OXCT1: variants seen among roughly 807,000 people sequenced by gnomAD.
OXCT1 encodes 3-oxoacid CoA-transferase 1, also known as succinyl-CoA:3-ketoacid coenzyme A transferase 1, mitochondrial.
OXCT1 carries 27 observed loss-of-function variants against 69.6 expected under a neutral mutation model. That is an observed-to-expected ratio of 0.39 (90% CI 0.29 to 0.54). The LOEUF is 0.54. Among genes scored for constraint, OXCT1 ranks in the 20% least tolerant of loss-of-function variants. The pLI is 0.72. For synonymous variants in OXCT1, 202 were observed against 217.8 expected, an observed-to-expected ratio of 0.93 and a Z score of 0.64; for missense variants, 437 against 650.2, an observed-to-expected ratio of 0.67 and a Z score of 3.57.
chr5:41,733,631 T>G (rs1367929609), intron 16 of OXCT1, among the ~76,000 whole-genome samples: 1 of 152,204 alleles, frequency 6.6e-6, no homozygotes, highest in Admixed American at 6.5e-5. Context: ...GACACATTAA[T>G]TTTTTTAACT....
chr5:41,787,854 A>G (rs2112206215), intron 13 of OXCT1, among the ~76,000 whole-genome samples: 1 of 152,178 alleles, frequency 6.6e-6, no homozygotes, highest in African/African-American at 2.4e-5. Flanking sequence ...GAAAAAGATC[A>G]ACCTGAGAGA....
At chr5:41,833,504 T>TA (rs892115918) in intron 7 of OXCT1, among the ~76,000 whole-genome samples, 66 of 136,450 alleles carry the variant, frequency 4.8e-4, no homozygotes, top group African/African-American at 1.8e-3. Context: ...CAAGAAGTGA[T>TA]AGAGGGAGTT....
chr5:41,773,922 T>C (rs1745003163), intron 13 of OXCT1, among the ~76,000 whole-genome samples: 1 of 152,186 alleles, frequency 6.6e-6, no homozygotes, highest in Non-Finnish European at 1.5e-5. Context: ...CATTTCATTT[T>C]ATAGGGACCT....
intron 11 of OXCT1, among the ~76,000 whole-genome samples, chr5:41,796,984 T>TAA (rs1746212242): frequency 6.6e-6 from 1 of 152,192 alleles, no homozygotes; most frequent in Admixed American, 6.5e-5. Flanking sequence ...CTGTGTGAGC[T>TAA]CTAGGTTTTA....
chr5:41,755,141 C>T (rs1457741758), intron 14 of OXCT1, among the ~76,000 whole-genome samples: 1 of 151,938 alleles, frequency 6.6e-6, no homozygotes, highest in Non-Finnish European at 1.5e-5. Flanking sequence ...ATTAGTTTTC[C>T]TTTTTATTTT....
chr5:41,782,808 T>G (rs897270860), intron 13 of OXCT1, among the ~76,000 whole-genome samples: 3 of 152,220 alleles, frequency 2.0e-5, no homozygotes, highest in African/African-American at 7.2e-5. Flanking sequence ...CTTTCCCCTG[T>G]GTAGTGGAAA....
chr5:41,780,600 A>T (rs1055414263), intron 13 of OXCT1, among the ~76,000 whole-genome samples: 26 of 152,174 alleles, frequency 1.7e-4, no homozygotes, highest in Non-Finnish European at 2.6e-4. Flanking sequence ...GAATTTTTTT[A>T]AAATTATTAT....
chr5:41,805,465 A>G (rs996864126), intron 9 of OXCT1, 102 bp downstream of exon 9: 1 of 796,352 alleles, frequency 1.3e-6, no homozygotes, highest in Non-Finnish European at 2.2e-6. Context: ...AAAAGTTACC[A>G]TAGACTAGAG....
chr5:41,731,380 T>C lies in OXCT1; in HGVS notation c.*349A>G, dbSNP rs1486075360. The C allele has an allele frequency of 1.9e-6, 2 of 1,044,960 alleles. No individual in the cohort carries two copies. Among genetic ancestry groups the C allele is most frequent in the Admixed American group, 5.0e-5 (1 of 20,174 alleles). 64.7% of individuals were successfully genotyped at this position (1,044,960 alleles called of 1,614,324 possible). A position where few individuals can be genotyped will look rare whatever the true frequency, so the allele number is the denominator to read the frequency against. The stretch of plus-strand genomic sequence containing the variant: ...TCTTTCTTTCAGGACTAATAATTAA[T>C]ATTTAAGAGGAAAGCCACATCAATT... On this transcript the variant is annotated 3_prime_UTR_variant, in exon 17 of 17. Transcript: ENST00000196371.
intron 3 of OXCT1, among the ~76,000 whole-genome samples, chr5:41,860,756 A>C (rs1014666266): frequency 4.6e-5 from 7 of 152,268 alleles, no homozygotes; most frequent in Admixed American, 3.3e-4. Flanking sequence ...CTATTATTAA[A>C]ATGATGGCTT....
intron 1 of OXCT1, among the ~76,000 whole-genome samples, chr5:41,865,294 C>A (rs956882387): frequency 2.0e-5 from 3 of 152,038 alleles, no homozygotes; most frequent in Non-Finnish European, 2.9e-5. Context: ...TTTTTTGTTT[C>A]ATCTGATAGT....
chr5:41,814,808 T>C (rs1029273985), intron 7 of OXCT1, among the ~76,000 whole-genome samples: 1 of 151,652 alleles, frequency 6.6e-6, no homozygotes, highest in Admixed American at 6.6e-5. Context: ...CGCACCAGCA[T>C]GTCACATGTA....
In OXCT1 at chr5:41,870,321, A is replaced by G; in HGVS notation, c.38T>C (p.Leu13Pro). ...ALKLLSSGLR[L>P]CASARGSGAT... ...CCCAGATCCGCGGGCAGAGGCGCAG[A>G]GCCGAAGCCCGGAGGAGAGGAGTTT... The change falls in exon 1 of 17, where the codon CTC becomes CCC. Residue 13 changes from leucine (L) to proline (P), a missense_variant. This residue lies in a region of OXCT1 where 79 missense variants were observed against 61.5 expected (regional missense o/e 1.28). Coordinates refer to ENST00000196371, the MANE Select transcript of OXCT1 (RefSeq NM_000436.4). This position sits in a 1 kb window ranked among gnomAD's most constrained non-coding sequence, Gnocchi z 4.2. 1 of 1,614,000 alleles carries G rather than the reference A, an allele frequency of 6.2e-7. No individual in the cohort carries two copies. The highest frequency in any genetic ancestry group is 8.5e-7 in the Non-Finnish European group (1 of 1,179,916).
intron 13 of OXCT1, among the ~76,000 whole-genome samples, chr5:41,780,151 T>G (rs142019743): frequency 6.6e-6 from 1 of 152,232 alleles, no homozygotes; most frequent in East Asian, 1.9e-4. Context: ...GTGAATGAAT[T>G]TGAAAATCCA....
chr5:41,768,015 G>A (rs10038001), intron 13 of OXCT1, among the ~76,000 whole-genome samples: 2,286 of 151,998 alleles, frequency 0.015, 64 homozygotes, highest in African/African-American at 0.053. Context: ...AACTGCCCCT[G>A]TCTCTGATGA....
At chr5:41,797,362 A>G (rs1746230069) in intron 11 of OXCT1, among the ~76,000 whole-genome samples, 1 of 152,220 alleles carries the variant, frequency 6.6e-6, no homozygotes, top group Admixed American at 6.5e-5. Context: ...GCATCTTAAA[A>G]ATTACATTCT....
chr5:41,832,586 C>G (rs1748150034), intron 7 of OXCT1, among the ~76,000 whole-genome samples: 1 of 151,992 alleles, frequency 6.6e-6, no homozygotes, highest in Admixed American at 6.6e-5. Context: ...ACAATAAATA[C>G]CTAACCCTTT....
intron 7 of OXCT1, among the ~76,000 whole-genome samples, chr5:41,824,602 T>C (rs1207963443): frequency 6.6e-6 from 1 of 152,194 alleles, no homozygotes; most frequent in Non-Finnish European, 1.5e-5. Flanking sequence ...AGTGCAAACA[T>C]ATTCAGATGC....
chr5:41,850,760 A>G (rs1749138931), intron 4 of OXCT1, among the ~76,000 whole-genome samples: 1 of 152,240 alleles, frequency 6.6e-6, no homozygotes, highest in South Asian at 2.1e-4. Context: ...GAGTAGAAAC[A>G]GCTGCAAGCA....
Sources: gnomAD v4.1 joint callset for allele counts (sites outside exome capture counted in the v4.1 genomes callset) on GRCh38, gnomAD v4.1.1 for gene constraint, gnomAD v4.1.1 regional missense constraint, Gnocchi (gnomAD v3.1) non-coding constraint, MANE v1.5 for transcripts, NCBI Gene and HGNC (gene_info 2026-07-23, HGNC 2026-07-21) for gene names.